BNC2: variants seen among roughly 807,000 people sequenced by gnomAD.
The protein encoded by BNC2 is basonuclin zinc finger protein 2.
In BNC2, 20 loss-of-function variants were observed where a neutral mutation model predicts 76.3. That is an observed-to-expected ratio of 0.26 (90% CI 0.18 to 0.38). BNC2 has a LOEUF of 0.38. Ranked by LOEUF, BNC2 falls within the 10% of genes least tolerant of loss-of-function variation. BNC2 has a pLI of 1.00. For synonymous variants in BNC2, 582 were observed against 514.8 expected, an observed-to-expected ratio of 1.13 and a Z score of -1.77; for missense variants, 1,382 against 1,399.8, an observed-to-expected ratio of 0.99 and a Z score of 0.20.
chr9:16,684,552 T>C (rs1245176479), intron 3 of BNC2, among the ~76,000 whole-genome samples: 7 of 152,188 alleles, frequency 4.6e-5, no homozygotes, highest in African/African-American at 1.7e-4. Flanking sequence ...GTCCATTTTT[T>C]AAATGGTTCT....
chr9:16,844,069 G>A (rs995597839), intron 1 of BNC2, among the ~76,000 whole-genome samples: 1 of 151,954 alleles, frequency 6.6e-6, no homozygotes, highest in African/African-American at 2.4e-5. Flanking sequence ...AGACCAGCCT[G>A]GGCAACATAG....
intron 1 of BNC2, among the ~76,000 whole-genome samples, chr9:16,807,907 A>G (rs1817950695): frequency 6.6e-6 from 1 of 152,148 alleles, no homozygotes; most frequent in South Asian, 2.1e-4. Flanking sequence ...TTATAAATAT[A>G]CTTTGTAGAA....
intron 1 of BNC2, among the ~76,000 whole-genome samples, chr9:16,755,713 T>G (rs1825366161): frequency 6.6e-6 from 1 of 152,164 alleles, no homozygotes; most frequent in African/African-American, 2.4e-5. Context: ...AACTTCAAAC[T>G]TGACATCTTC....
intron 4 of BNC2, among the ~76,000 whole-genome samples, chr9:16,578,418 C>A (rs1330333265): frequency 6.6e-6 from 1 of 152,008 alleles, no homozygotes; most frequent in African/African-American, 2.4e-5. Context: ...TTACATCATG[C>A]CTCCTGTTTT....
intron 5 of BNC2, among the ~76,000 whole-genome samples, chr9:16,478,645 A>G (rs550181375): frequency 4.6e-5 from 7 of 152,210 alleles, no homozygotes; most frequent in African/African-American, 1.7e-4. Flanking sequence ...ACCACAAATT[A>G]TAAGAGGAAA....
chr9:16,851,350 A>G (rs550999237), intron 1 of BNC2, among the ~76,000 whole-genome samples: 1 of 152,032 alleles, frequency 6.6e-6, no homozygotes, highest in South Asian at 2.1e-4. Flanking sequence ...TCTACAAAAA[A>G]AAAAACTTAC....
At chr9:16,559,096 C>T (rs183339244) in intron 4 of BNC2, among the ~76,000 whole-genome samples, 2 of 152,172 alleles carry the variant, frequency 1.3e-5, no homozygotes, top group East Asian at 3.9e-4. Context: ...GGACGAATGC[C>T]TTCAACAGCA....
chr9:16,421,280 G>A (rs1305108291), intron 6 of BNC2: 1 of 1,299,824 alleles, frequency 7.7e-7, no homozygotes, highest in Non-Finnish European at 1.0e-6. Flanking sequence ...AATAAGATCA[G>A]CTTTCTAATC....
rs780455671 is a variant in BNC2 at position 16,411,339 on chromosome 9, C to T, written c.*7650G>A. 2 of 152,602 alleles carry T rather than the reference C, an allele frequency of 1.3e-5. No individual in the cohort carries two copies. Among genetic ancestry groups the T allele is most frequent in the Non-Finnish European group, 2.9e-5 (2 of 68,042 alleles). 9.5% of individuals were successfully genotyped at this position (152,602 alleles called of 1,614,324 possible). ...CTCTTCAAGAAATATACTTTCAATACTATCTACTTCTCTCCATTTTTCTTA... is the reference window on the plus strand; with the variant it reads ...CTCTTCAAGAAATATACTTTCAATATTATCTACTTCTCTCCATTTTTCTTA... On this transcript the variant is annotated 3_prime_UTR_variant, in exon 7 of 7. Coordinates refer to ENST00000380672, the MANE Select transcript of BNC2 (RefSeq NM_017637.6).
At chr9:16,597,951 G>C (rs141091524) in intron 3 of BNC2, among the ~76,000 whole-genome samples, 98 of 152,116 alleles carry the variant, frequency 6.4e-4, no homozygotes, top group Non-Finnish European at 1.1e-3. Context: ...AATAATTAAG[G>C]ACTGCAAATC....
chr9:16,689,547 G>A (rs1587318269), intron 3 of BNC2, among the ~76,000 whole-genome samples: 1 of 151,958 alleles, frequency 6.6e-6, no homozygotes, highest in African/African-American at 2.4e-5. Flanking sequence ...CTGGCCCCAA[G>A]CCCAGATCAG....
At chr9:16,684,275 T>A (rs186662946) in intron 3 of BNC2, among the ~76,000 whole-genome samples, 1 of 152,292 alleles carries the variant, frequency 6.6e-6, no homozygotes, top group African/African-American at 2.4e-5. Context: ...CAAAAAGTCT[T>A]CCATCACTCT....
chr9:16,869,413 T>TTGTGTG (rs35846044), intron 1 of BNC2, among the ~76,000 whole-genome samples: 2 of 150,364 alleles, frequency 1.3e-5, no homozygotes, highest in Non-Finnish European at 3.0e-5. Context: ...GCTCTTGCTT[T>TTGTGTG]TGTGTGTGTG....
chr9:16,498,739 A>G (rs943493705), intron 5 of BNC2, among the ~76,000 whole-genome samples: 2 of 151,974 alleles, frequency 1.3e-5, no homozygotes, highest in African/African-American at 4.8e-5. Context: ...TCTGTCTCCT[A>G]CCTTAATTTA....
At chr9:16,606,269 A>C (rs1820380925) in intron 3 of BNC2, among the ~76,000 whole-genome samples, 1 of 150,522 alleles carries the variant, frequency 6.6e-6, no homozygotes, top group African/African-American at 2.5e-5. Flanking sequence ...ATTAGCTTTA[A>C]AAGTTAATAA....
intron 4 of BNC2, among the ~76,000 whole-genome samples, chr9:16,561,385 T>C (rs1359564419): frequency 1.3e-5 from 2 of 152,172 alleles, no homozygotes; most frequent in Non-Finnish European, 2.9e-5. Context: ...AGGGCATTTT[T>C]GCATTACTCC....
Position 16,857,677 on chromosome 9 carries a change from C to T in BNC2, c.3+12969G>A, listed in dbSNP as rs532821940. ...CGCTTTGTATAAATTTGAACAGTTA[C>T]ATATCTAATTAATAGTTGATGCTGA... On this transcript the variant is annotated intron_variant, in intron 1 of 6. Coordinates refer to ENST00000380672, the MANE Select transcript of BNC2 (RefSeq NM_017637.6). 2.6e-5 allele frequency among the ~76,000 whole-genome samples: 4 copies of T among 152,210 alleles called. No homozygotes were observed. In the South Asian group the frequency reaches 8.3e-4, roughly 32 times the overall value.
At position 16,410,391 on chromosome 9, in the gene BNC2, C is replaced by T. The variant is rs1033912717; in HGVS notation, c.*8598G>A. 1 of 152,676 alleles carries T rather than the reference C, an allele frequency of 6.5e-6. No individual in the cohort carries two copies. The highest frequency in any genetic ancestry group is 1.9e-4 in the East Asian group (1 of 5,196). 9.5% of individuals were successfully genotyped at this position (152,676 alleles called of 1,614,324 possible). Reference sequence around the variant, plus strand: ...AGCCCAGGTCGTCTCAAGCCCAAGTCTTCTCCCCATTTCTCGACCGTCCTC... The same window carrying T: ...AGCCCAGGTCGTCTCAAGCCCAAGTTTTCTCCCCATTTCTCGACCGTCCTC... On this transcript the variant is annotated 3_prime_UTR_variant, in exon 7 of 7. Transcript: ENST00000380672.
At chr9:16,848,729 T>C (rs896950053) in intron 1 of BNC2, among the ~76,000 whole-genome samples, 2 of 152,170 alleles carry the variant, frequency 1.3e-5, no homozygotes, top group Non-Finnish European at 2.9e-5. Context: ...CAAGAAAAGT[T>C]TGACCCTCAA....
Sources: gnomAD v4.1 joint callset for allele counts (sites outside exome capture counted in the v4.1 genomes callset) on GRCh38, gnomAD v4.1.1 for gene constraint, MANE v1.5 for transcripts, NCBI Gene and HGNC (gene_info 2026-07-23, HGNC 2026-07-21) for gene names.